The following TRPC5 variants were observed in gnomAD, a reference collection of about 807,000 sequenced individuals.
TRPC5 encodes the protein transient receptor potential cation channel subfamily C member 5.
TRPC5 carries 9 observed loss-of-function variants against 56.5 expected under a neutral mutation model. The ratio of observed to expected loss-of-function variants is 0.16; its 90% CI spans 0.10 to 0.28. The LOEUF is 0.28. TRPC5 is among the 10% of genes least tolerant of loss of function. The probability of loss-of-function intolerance (pLI) is 1.00; values close to 1 mark genes in which losing one functional copy is unlikely to be tolerated. For synonymous variants in TRPC5, 282 were observed against 278.5 expected (o/e 1.01, Z -0.13); for missense variants, 469 against 748.9 (o/e 0.63, Z 4.36).
chrX:111,788,626 C>A (rs768616689), intron 7 of TRPC5, among the ~76,000 whole-genome samples: 1 of 111,724 alleles, frequency 9.0e-6, no homozygotes, highest in South Asian at 3.8e-4. Context: ...GTCAAATTGT[C>A]CCTGTTTGCA....
At chrX:111,805,964 T>C (rs1378763603) in intron 7 of TRPC5, among the ~76,000 whole-genome samples, 1 of 111,427 alleles carries the variant, frequency 9.0e-6, no homozygotes, top group East Asian at 2.8e-4. Flanking sequence ...TTGGCCAATA[T>C]TTTCTATAAA....
chrX:111,962,168 C>T (rs1002850960), intron 1 of TRPC5, among the ~76,000 whole-genome samples: 8 of 111,191 alleles, frequency 7.2e-5, no homozygotes, highest in African/African-American at 2.6e-4. Flanking sequence ...ACACTAGAAG[C>T]CCATTCCCCA....
At chrX:111,811,179 A>G (rs1921694557) in intron 7 of TRPC5, among the ~76,000 whole-genome samples, 1 of 112,261 alleles carries the variant, frequency 8.9e-6, no homozygotes, top group African/African-American at 3.2e-5. Context: ...GAGTAATTAC[A>G]TAGTTTTATT....
At chrX:112,017,173 C>G (rs1929149588) in intron 1 of TRPC5, among the ~76,000 whole-genome samples, 1 of 110,772 alleles carries the variant, frequency 9.0e-6, no homozygotes. Flanking sequence ...GCCACCACAC[C>G]CAGATAATTT....
At chrX:111,816,717 A>G (rs1275099612) in intron 7 of TRPC5, among the ~76,000 whole-genome samples, 1 of 110,067 alleles carries the variant, frequency 9.1e-6, no homozygotes, top group Non-Finnish European at 1.9e-5. Context: ...GGGAGAAGGG[A>G]AAAAAAAAGT....
chrX:111,859,573 C>T (rs1211916007), intron 3 of TRPC5, among the ~76,000 whole-genome samples: 2 of 112,009 alleles, frequency 1.8e-5, no homozygotes, highest in East Asian at 5.6e-4. Context: ...CCATTAAATA[C>T]CTATGAGTTG....
In TRPC5 at chrX:111,769,754, C is replaced by T. The variant is rs928924101; in HGVS notation, c.*6559G>A. ...TCAAAGTGCCTATTGTGTAGTAGCA[C>T]TTGAAAATGTTTTTTGTTTGTTCGT... On this transcript the variant is annotated 3_prime_UTR_variant, in exon 11 of 11. Transcript: ENST00000262839. Among the ~76,000 whole-genome samples, 2 of 111,923 alleles carry T rather than the reference C, an allele frequency of 1.8e-5. No homozygotes were observed. The highest frequency in any genetic ancestry group is 3.8e-5 in the Non-Finnish European group (2 of 53,112).
Position 112,003,015 on chromosome X carries a change from G to A in TRPC5, c.-21-50574C>T, listed in dbSNP as rs1480376986. 2.7e-5 allele frequency among the ~76,000 whole-genome samples: 3 copies of A among 111,318 alleles called. No individual in the cohort carries two copies. In the Admixed American group the frequency reaches 2.9e-4, roughly 11 times the overall value. On this transcript the variant is annotated intron_variant, in intron 1 of 10. Transcript: ENST00000262839. Reference sequence around the variant, plus strand: ...CTAAGAGCAGAGCATGTTAATAACTGCCCCCTCTCCCTGGAGACTTGATTA... The same window carrying A: ...CTAAGAGCAGAGCATGTTAATAACTACCCCCTCTCCCTGGAGACTTGATTA...
intron 2 of TRPC5, among the ~76,000 whole-genome samples, chrX:111,944,297 T>TGC (rs1400081627): frequency 8.0e-5 from 7 of 87,650 alleles, no homozygotes; most frequent in Non-Finnish European, 8.6e-5. Flanking sequence ...TGTGTGTGTG[T>TGC]GTGTGTGAGA....
chrX:111,964,996 G>C (rs894705004), intron 1 of TRPC5, among the ~76,000 whole-genome samples: 5 of 111,848 alleles, frequency 4.5e-5, no homozygotes, highest in Middle Eastern at 4.6e-3. Flanking sequence ...AATGTAAATG[G>C]GCTAAATGCT....
intron 3 of TRPC5, among the ~76,000 whole-genome samples, chrX:111,870,311 T>G (rs2148593042): frequency 8.9e-6 from 1 of 111,843 alleles, no homozygotes; most frequent in African/African-American, 3.2e-5. Flanking sequence ...CCCAGTGAGG[T>G]TTCAGGCAGC....
chrX:112,031,918 A>G (rs1284146782), intron 1 of TRPC5, among the ~76,000 whole-genome samples: 1 of 109,508 alleles, frequency 9.1e-6, no homozygotes, highest in Non-Finnish European at 1.9e-5. Flanking sequence ...ACATATATAT[A>G]TATATAATCT....
At chrX:111,890,516 C>T (rs771692256) in intron 3 of TRPC5, among the ~76,000 whole-genome samples, 1 of 110,817 alleles carries the variant, frequency 9.0e-6, no homozygotes, top group Non-Finnish European at 1.9e-5. Flanking sequence ...TAAACATCCA[C>T]GGGTTTTAGT....
At chrX:111,962,498 C>T (rs905356999) in intron 1 of TRPC5, among the ~76,000 whole-genome samples, 1 of 112,136 alleles carries the variant, frequency 8.9e-6, no homozygotes. Context: ...GAAGTGGAGC[C>T]TGAAGATGTG....
At chrX:111,879,353 C>A (rs1039169008) in intron 3 of TRPC5, among the ~76,000 whole-genome samples, 1 of 112,065 alleles carries the variant, frequency 8.9e-6, no homozygotes. Context: ...CCCAATGGGG[C>A]CTGTGGTCCC....
At position 111,789,980 on chromosome X, in the gene TRPC5, C is replaced by T. The variant is rs896217894; in HGVS notation, c.1897-7842G>A. 1.3e-4 allele frequency among the ~76,000 whole-genome samples: 14 copies of T among 111,322 alleles called. No individual in the cohort carries two copies. In the Admixed American group the frequency reaches 1.3e-3, roughly 11 times the overall value. On this transcript the variant is annotated intron_variant, in intron 7 of 10. Transcript: ENST00000262839. ...TTGGTGGGAGTGTAAATTGGTTCAA[C>T]AATTGTGGAAGACAGTGTGGCAATT...
At chrX:111,933,807 A>G (rs1244531535) in intron 2 of TRPC5, among the ~76,000 whole-genome samples, 1 of 111,417 alleles carries the variant, frequency 9.0e-6, no homozygotes, top group African/African-American at 3.3e-5. Flanking sequence ...TGGTCAGCAT[A>G]TGCATAACTA....
At chrX:111,787,521 T>G (rs1450313854) in intron 7 of TRPC5, among the ~76,000 whole-genome samples, 5 of 102,284 alleles carry the variant, frequency 4.9e-5, no homozygotes, top group East Asian at 3.1e-4. Flanking sequence ...GCAAACAAAT[T>G]CAAAAGCTAG....
intron 1 of TRPC5, among the ~76,000 whole-genome samples, chrX:111,986,699 G>A (rs919209088): frequency 1.9e-4 from 21 of 111,278 alleles, no homozygotes; most frequent in African/African-American, 6.5e-4. Flanking sequence ...CCCTAGCTTC[G>A]TTATGGGCTT....
Sources: gnomAD v4.1 joint callset for allele counts (sites outside exome capture counted in the v4.1 genomes callset) on GRCh38, gnomAD v4.1.1 for gene constraint, MANE v1.5 for transcripts, NCBI Gene and HGNC (gene_info 2026-07-23, HGNC 2026-07-21) for gene names.